RUSC2: variants seen among roughly 807,000 people sequenced by gnomAD.
RUSC2 encodes RUN and SH3 domain containing 2.
Under a neutral mutation model 122.2 loss-of-function variants are expected in RUSC2, and 34 were observed. The ratio of observed to expected loss-of-function variants is 0.28; its 90% CI spans 0.21 to 0.37. The LOEUF is 0.37. Ranked by LOEUF, RUSC2 falls within the 10% of genes least tolerant of loss-of-function variation. The pLI is 1.00. For synonymous variants in RUSC2, 784 were observed against 790.0 expected (o/e 0.99, Z 0.13); for missense variants, 1,747 against 1,952.4 (o/e 0.89, Z 1.98).
chr9:35,555,944 G>T lies in RUSC2; in HGVS notation c.2657-8G>T, dbSNP rs780324494. The T allele has an allele frequency of 6.2e-7, 1 of 1,613,454 alleles. No individual in the cohort carries two copies. Among genetic ancestry groups the T allele is most frequent in the South Asian group, 1.1e-5 (1 of 91,066 alleles). On this transcript the variant is annotated splice_region_variant and splice_polypyrimidine_tract_variant and intron_variant, in intron 3 of 11. Coordinates refer to ENST00000361226, the MANE Select transcript of RUSC2 (RefSeq NM_014806.5). The surrounding 1 kb of genome is among the most constrained non-coding windows in gnomAD (Gnocchi z 4.6). ...TCTTGTCTTTCTGCTAATCTGTTCT[G>T]CTTCCAGCCAACCACCTATCCCCTC...
Position 35,561,496 on chromosome 9 carries a change from G to A in RUSC2, c.*114G>A, listed in dbSNP as rs534899414. On this transcript the variant is annotated 3_prime_UTR_variant, in exon 12 of 12. Transcript: ENST00000361226. ...AGAGTAGACTGAGAGCTGGGGCCAC[G>A]TATCCCTGTGCTGGCACCTGCTCCC... The A allele has an allele frequency of 1.5e-5, 12 of 826,592 alleles. No homozygotes were observed. Among genetic ancestry groups the A allele is most frequent in the South Asian group, 6.9e-5 (4 of 58,266 alleles). The allele number at this position is 826,592 out of a possible 1,614,324, so 51.2% of individuals were successfully genotyped here. A position where few individuals can be genotyped will look rare whatever the true frequency, so the allele number is the denominator to read the frequency against.
chr9:35,556,338 G>C lies in RUSC2; in HGVS notation c.2873G>C (p.Cys958Ser). ...GCAGTGAAGCCGTTACCACTGACCT[G>C]CCCTGACTTCCAGGACCCCTTTTCC... The part of the protein sequence containing the change: ...GQAVKPLPLT[C>S]PDFQDPFSLT... Residue 958 changes from cysteine (C) to serine (S), a missense_variant, in exon 5 of 12, where the codon TGC becomes TCC. Transcript: ENST00000361226. 1.2e-6 allele frequency: 2 copies of C among 1,614,158 alleles called. No homozygotes were observed. The highest frequency in any genetic ancestry group is 2.2e-5 in the South Asian group (2 of 91,082).
intron 1 of RUSC2, among the ~76,000 whole-genome samples, chr9:35,511,559 CCAAAT>C (rs1441262591): frequency 6.6e-6 from 1 of 152,146 alleles, no homozygotes; most frequent in African/African-American, 2.4e-5. Context: ...CTGTAATGAG[CCAAAT>C]TCTGCTCTGA....
intron 1 of RUSC2, among the ~76,000 whole-genome samples, chr9:35,499,874 G>A (rs1435156797): frequency 6.6e-6 from 1 of 152,118 alleles, no homozygotes; most frequent in African/African-American, 2.4e-5. Flanking sequence ...AAAACTGCAG[G>A]GGAGAAAGTT....
In RUSC2 at chr9:35,556,001, G is replaced by A. The variant is rs1384015628; in HGVS notation, c.2706G>A (p.Lys902=). The A allele has an allele frequency of 6.2e-7, 1 of 1,614,222 alleles. No homozygotes were observed. Among genetic ancestry groups the A allele is most frequent in the South Asian group, 1.1e-5 (1 of 91,084 alleles). ...QALKWREYRR[K]NPLGPPGLSG... ...TCAAGTGGCGGGAATACAGGAGGAA[G>A]AACCCACTAGGGCCACCTGGTTTGT... Residue 902 remains lysine (K), a synonymous_variant, in exon 4 of 12, where the codon AAG becomes AAA. Coordinates refer to ENST00000361226, the MANE Select transcript of RUSC2 (RefSeq NM_014806.5).
chr9:35,557,937 G>T lies in RUSC2; in HGVS notation c.3007G>T (p.Ala1003Ser). The change falls in exon 6 of 12, where the codon GCT (alanine) becomes TCT (serine). Residue 1003 changes from alanine (A) to serine (S), a missense_variant. Ala to Ser is a moderately conservative substitution (Grantham distance 99). Coordinates refer to ENST00000361226, the MANE Select transcript of RUSC2 (RefSeq NM_014806.5). This position sits in a 1 kb window ranked among gnomAD's most constrained non-coding sequence, Gnocchi z 4.6. Reference protein sequence around the residue: ...KKGLVKAVNIAVDLIVAHFGT... With the variant: ...KKGLVKAVNISVDLIVAHFGT... ...AGGGCTGGTAAAAGCTGTTAACATC[G>T]CTGTGGACCTCATTGTGGCTCATTT... 1 of 1,614,174 alleles carries T rather than the reference G, an allele frequency of 6.2e-7. No individual in the cohort carries two copies. The highest frequency in any genetic ancestry group is 8.5e-7 in the Non-Finnish European group (1 of 1,180,018).
At chr9:35,517,318 G>A (rs1394196183) in intron 1 of RUSC2, among the ~76,000 whole-genome samples, 2 of 152,178 alleles carry the variant, frequency 1.3e-5, no homozygotes, top group South Asian at 2.1e-4. Flanking sequence ...CTCAGGGATC[G>A]CTGGGCTAGA....
intron 2 of RUSC2, among the ~76,000 whole-genome samples, chr9:35,551,634 T>C (rs531470597): frequency 1.8e-4 from 27 of 152,352 alleles, no homozygotes; most frequent in African/African-American, 5.8e-4. Flanking sequence ...TGCTGCTCTG[T>C]TCCATAAGTC....
intron 1 of RUSC2, among the ~76,000 whole-genome samples, chr9:35,492,423 G>C (rs114715689): frequency 0.02 from 3,081 of 151,798 alleles, 96 homozygotes; most frequent in African/African-American, 0.069. Flanking sequence ...GTAAGGGCAG[G>C]CTATCTAGAA....
At chr9:35,552,448 G>A (rs984983841) in intron 2 of RUSC2, among the ~76,000 whole-genome samples, 19 of 152,182 alleles carry the variant, frequency 1.2e-4, no homozygotes, top group Non-Finnish European at 2.4e-4. Context: ...GATTTAAAGG[G>A]ATCTTACTGA....
chr9:35,515,719 C>T (rs1313804650), intron 1 of RUSC2, among the ~76,000 whole-genome samples: 2 of 151,800 alleles, frequency 1.3e-5, no homozygotes, highest in Non-Finnish European at 2.9e-5. Context: ...CACTTATGGG[C>T]CAGACACAGT....
rs1465071514 is a variant in RUSC2 at position 35,558,730 on chromosome 9, T to A, written c.3341+163T>A. On this transcript the variant is annotated intron_variant, in intron 8 of 11. Coordinates refer to ENST00000361226, the MANE Select transcript of RUSC2 (RefSeq NM_014806.5). The surrounding 1 kb of genome is among the most constrained non-coding windows in gnomAD (Gnocchi z 4.3). ...TCTCAGTAGGTCACTGCCTCCCCACTGTGCCCATGACTCTGTCACTGGTCA... is the reference window on the plus strand; with the variant it reads ...TCTCAGTAGGTCACTGCCTCCCCACAGTGCCCATGACTCTGTCACTGGTCA... 1.3e-5 allele frequency among the ~76,000 whole-genome samples: 2 copies of A among 152,192 alleles called. No individual in the cohort carries two copies. The highest frequency in any genetic ancestry group is 2.9e-5 in the Non-Finnish European group (2 of 68,030).
rs761381327 is a variant in RUSC2, at chr9:35,560,015, C to T, written c.3389-14C>T. ...GTTCTCTGTGTGGATCAGTCCCTCT[C>T]TCTTTTCCCCTAGACATCATCCAGA... is the stretch of plus-strand genomic sequence containing the variant. On this transcript the variant is annotated splice_polypyrimidine_tract_variant and intron_variant, in intron 9 of 11. Coordinates refer to ENST00000361226, the MANE Select transcript of RUSC2 (RefSeq NM_014806.5). 80 of 1,572,290 alleles carry T rather than the reference C, an allele frequency of 5.1e-5. No individual in the cohort carries two copies. The highest frequency in any genetic ancestry group is 6.8e-5 in the Non-Finnish European group (78 of 1,153,510).
In RUSC2 at chr9:35,559,231, G is replaced by A. The variant is rs375549317; in HGVS notation, c.3347G>A (p.Arg1116Gln). The part of the protein sequence containing the change: ...NAFILGLLNI[R>Q]SLEFWFNHLY... ...CTTCACCTGTCTCCCTACAGCATCCGGTCCCTGGAGTTCTGGTTTAATCAC... is the reference window on the plus strand; with the variant it reads ...CTTCACCTGTCTCCCTACAGCATCCAGTCCCTGGAGTTCTGGTTTAATCAC... The change falls in exon 9 of 12, where the codon CGG becomes CAG. Residue 1116 changes from arginine to glutamine, a missense_variant. By Grantham distance (43) the Arg-to-Gln change is conservative (BLOSUM62 1). Coordinates refer to ENST00000361226, the MANE Select transcript of RUSC2 (RefSeq NM_014806.5). The A allele has an allele frequency of 1.1e-5, 18 of 1,613,078 alleles. No homozygotes were observed. The highest frequency in any genetic ancestry group is 4.4e-5 in the South Asian group (4 of 91,054).
At chr9:35,530,455 T>A (rs1458783732) in intron 1 of RUSC2, among the ~76,000 whole-genome samples, 1 of 151,986 alleles carries the variant, frequency 6.6e-6, no homozygotes, top group African/African-American at 2.4e-5. Flanking sequence ...ATTTCCATGA[T>A]AAAGAAAAGC....
intron 1 of RUSC2, among the ~76,000 whole-genome samples, chr9:35,525,831 C>T (rs1821316074): frequency 2.0e-5 from 3 of 151,992 alleles, no homozygotes; most frequent in Admixed American, 2.0e-4. Flanking sequence ...CTGCCTGTAA[C>T]CCCAGCATTT....
chr9:35,555,662 G>C lies in RUSC2; in HGVS notation c.2617G>C (p.Gly873Arg), dbSNP rs767497746. ...CAGCCGAGCAGAGAGCCTGGCCCGGGGAGGTGGTGAGGGCAGCATGGCCAC... is the reference window on the plus strand; with the variant it reads ...CAGCCGAGCAGAGAGCCTGGCCCGGCGAGGTGGTGAGGGCAGCATGGCCAC... ...GLSRAESLAR[G>R]GGEGSMATRP... The change falls in exon 3 of 12, where the codon GGA becomes CGA. Residue 873 changes from glycine (G) to arginine (R), a missense_variant. Coordinates refer to ENST00000361226, the MANE Select transcript of RUSC2 (RefSeq NM_014806.5). This position sits in a 1 kb window ranked among gnomAD's most constrained non-coding sequence, Gnocchi z 4.6. 3 of 1,604,912 alleles carry C rather than the reference G, an allele frequency of 1.9e-6. No individual in the cohort carries two copies. Among genetic ancestry groups the C allele is most frequent in the East Asian group, 4.5e-5 (2 of 44,878 alleles).
At chr9:35,532,746 T>C (rs147387141) in intron 1 of RUSC2, among the ~76,000 whole-genome samples, 22 of 149,450 alleles carry the variant, frequency 1.5e-4, no homozygotes, top group African/African-American at 4.9e-4. Flanking sequence ...CTGTCTTAAA[T>C]GTCTCAAAAA....
Position 35,561,592 on chromosome 9 carries a change from A to G in RUSC2, c.*210A>G. ...GTCCAGACCTCCACCCAGGAGAGGG[A>G]TGGGACACAGCACTGGGCTGCCAGG... On this transcript the variant is annotated 3_prime_UTR_variant, in exon 12 of 12. Coordinates refer to ENST00000361226, the MANE Select transcript of RUSC2 (RefSeq NM_014806.5). The G allele has an allele frequency of 1.7e-6, 1 of 594,904 alleles. No individual in the cohort carries two copies. 36.9% of individuals were successfully genotyped at this position (594,904 alleles called of 1,614,324 possible).
Sources: allele counts gnomAD v4.1 joint callset (sites outside exome capture counted in the v4.1 genomes callset), GRCh38; gene constraint gnomAD v4.1.1; non-coding constraint Gnocchi (gnomAD v3.1); transcripts MANE v1.5; gene names NCBI Gene and HGNC (gene_info 2026-07-23, HGNC 2026-07-21).